The following NXPH1 variants were observed in gnomAD, a reference collection of about 807,000 sequenced individuals.
The protein encoded by NXPH1 is neurexophilin-1.
Under a neutral mutation model 23.7 loss-of-function variants are expected in NXPH1, and 5 were observed. That is an observed-to-expected ratio of 0.21 (90% CI 0.11 to 0.44). The LOEUF (loss-of-function observed/expected upper bound fraction) is 0.44. NXPH1 is among the 20% of genes least tolerant of loss of function. NXPH1 has a pLI of 0.99. For synonymous variants in NXPH1, 144 were observed against 122.2 expected (o/e 1.18, Z -1.18); for missense variants, 324 against 321.6 (o/e 1.01, Z -0.06).
chr7:8,644,680 A>T (rs115387446), intron 2 of NXPH1, among the ~76,000 whole-genome samples: 1,895 of 152,182 alleles, frequency 0.012, 41 homozygotes, highest in African/African-American at 0.043. Flanking sequence ...TTTTTTGTGA[A>T]TATAAAATAT....
At chr7:8,564,769 G>C (rs888783413) in intron 2 of NXPH1, among the ~76,000 whole-genome samples, 3 of 151,792 alleles carry the variant, frequency 2.0e-5, no homozygotes, top group Non-Finnish European at 4.4e-5. Flanking sequence ...GATAGAGCTA[G>C]TCAATTACTG....
intron 2 of NXPH1, among the ~76,000 whole-genome samples, chr7:8,618,453 A>G (rs1464977663): frequency 1.3e-5 from 2 of 152,152 alleles, no homozygotes; most frequent in Admixed American, 1.3e-4. Flanking sequence ...GCGTAAAGGT[A>G]ATTAAATATT....
At chr7:8,616,195 A>G (rs1424674539) in intron 2 of NXPH1, among the ~76,000 whole-genome samples, 1 of 151,988 alleles carries the variant, frequency 6.6e-6, no homozygotes, top group Non-Finnish European at 1.5e-5. Context: ...AGTCACGTTC[A>G]ACCACACTGG....
chr7:8,739,670 T>A (rs1186563861), intron 2 of NXPH1, among the ~76,000 whole-genome samples: 1 of 152,192 alleles, frequency 6.6e-6, no homozygotes, highest in Non-Finnish European at 1.5e-5. Flanking sequence ...TTTTTCTTTA[T>A]AAACTTTTAA....
Position 8,634,363 on chromosome 7 carries a change from T to C in NXPH1, c.55-116645T>C, listed in dbSNP as rs372556039. 1.5e-3 allele frequency among the ~76,000 whole-genome samples: 224 copies of C among 152,220 alleles called. 1 individual carries two copies. The highest frequency in any genetic ancestry group is 5.3e-3 in the African/African-American group (222 of 41,534). ...TTCACCTTCCACCATGATTGTGAGG[T>C]CTCCCCAGCCATGTGGAACTGGGAG... On this transcript the variant is annotated intron_variant, in intron 2 of 2. Transcript: ENST00000405863.
chr7:8,667,137 T>G (rs751419272), intron 2 of NXPH1, among the ~76,000 whole-genome samples: 1 of 152,070 alleles, frequency 6.6e-6, no homozygotes, highest in Non-Finnish European at 1.5e-5. Flanking sequence ...ATTTTTTAAT[T>G]ACATATTCCT....
At chr7:8,475,733 A>T (rs949831094) in intron 2 of NXPH1, among the ~76,000 whole-genome samples, 1 of 151,986 alleles carries the variant, frequency 6.6e-6, no homozygotes, top group Non-Finnish European at 1.5e-5. Context: ...TTACCTCTTC[A>T]CCTCTTCTAT....
chr7:8,541,042 C>T (rs1818108372), intron 2 of NXPH1, among the ~76,000 whole-genome samples: 1 of 151,690 alleles, frequency 6.6e-6, no homozygotes, highest in South Asian at 2.1e-4. Context: ...TAATTGAAAA[C>T]TATCAGGCAT....
intron 2 of NXPH1, among the ~76,000 whole-genome samples, chr7:8,635,406 T>A (rs184368096): frequency 1.3e-5 from 2 of 152,330 alleles, no homozygotes; most frequent in South Asian, 2.1e-4. Context: ...CCTTTCTCTT[T>A]TTAGTGGTAT....
chr7:8,585,040 G>A (rs1310802511), intron 2 of NXPH1, among the ~76,000 whole-genome samples: 1 of 152,110 alleles, frequency 6.6e-6, no homozygotes, highest in East Asian at 1.9e-4. Context: ...TTCTATATTG[G>A]AGATGTCAGT....
intron 2 of NXPH1, among the ~76,000 whole-genome samples, chr7:8,439,495 A>G (rs982201519): frequency 6.6e-6 from 1 of 152,264 alleles, no homozygotes; most frequent in African/African-American, 2.4e-5. Flanking sequence ...GGCATTGTAT[A>G]AAGTTACTGT....
intron 2 of NXPH1, among the ~76,000 whole-genome samples, chr7:8,670,608 C>A (rs1296160069): frequency 6.6e-6 from 1 of 152,196 alleles, no homozygotes; most frequent in African/African-American, 2.4e-5. Flanking sequence ...ACTGTTTTAA[C>A]AGAAGTTATA....
chr7:8,569,312 A>T (rs1389965648), intron 2 of NXPH1, among the ~76,000 whole-genome samples: 1 of 151,922 alleles, frequency 6.6e-6, no homozygotes, highest in Non-Finnish European at 1.5e-5. Flanking sequence ...TATACATAAC[A>T]ACCCATTGAA....
chr7:8,481,320 G>A lies in NXPH1; in HGVS notation c.54+45553G>A, dbSNP rs192286001. On this transcript the variant is annotated intron_variant, in intron 2 of 2. Transcript: ENST00000405863. ...TAGTGCATATTTCAGAGATACCTAC[G>A]CAGAGATGTCATTTATCTGGTTGCA... 7.2e-4 allele frequency among the ~76,000 whole-genome samples: 110 copies of A among 152,254 alleles called. 1 individual carries two copies. Among genetic ancestry groups the A allele is most frequent in the African/African-American group, 2.2e-3 (91 of 41,552 alleles).
chr7:8,713,850 C>G (rs918829829), intron 2 of NXPH1, among the ~76,000 whole-genome samples: 2 of 152,176 alleles, frequency 1.3e-5, no homozygotes, highest in Non-Finnish European at 2.9e-5. Context: ...CTGCCTGGAG[C>G]TTGGGAAGGG....
chr7:8,567,918 T>C (rs1321549594), intron 2 of NXPH1, among the ~76,000 whole-genome samples: 1 of 151,898 alleles, frequency 6.6e-6, no homozygotes, highest in Non-Finnish European at 1.5e-5. Context: ...GGAGTGGCCT[T>C]ACATCGTCTA....
chr7:8,720,373 A>G lies in NXPH1; in HGVS notation c.55-30635A>G, dbSNP rs531903623. ...AGTGGGTCTTGCATTTCTCTACTCT[A>G]TCATTAGGTTACTGGTATCTACATC... is the stretch of plus-strand genomic sequence containing the variant. On this transcript the variant is annotated intron_variant, in intron 2 of 2. Transcript: ENST00000405863. Among the ~76,000 whole-genome samples, 125 of 152,110 alleles carry G rather than the reference A, an allele frequency of 8.2e-4. 3 individuals are homozygous for G. The South Asian group carries it at 0.025, about 30-fold the overall frequency.
rs117521994 is a variant in NXPH1 at position 8,560,265 on chromosome 7, A to G, written c.54+124498A>G. Among the ~76,000 whole-genome samples the G allele has an allele frequency of 7.9e-5, 12 of 151,864 alleles. No individual in the cohort carries two copies. The East Asian group carries it at 2.1e-3, about 27-fold the overall frequency. ...TTCTCAAACCCAACCTTCTCATACT[A>G]TAATGCAGATGTGCTTTGCTTTACT... is the stretch of plus-strand genomic sequence containing the variant. On this transcript the variant is annotated intron_variant, in intron 2 of 2. Transcript: ENST00000405863.
chr7:8,621,259 G>A (rs1819862840), intron 2 of NXPH1, among the ~76,000 whole-genome samples: 1 of 152,240 alleles, frequency 6.6e-6, no homozygotes, highest in Admixed American at 6.5e-5. Flanking sequence ...ATTTGGGCAG[G>A]TGACCAGGAA....
Sources: gnomAD v4.1 joint callset for allele counts (sites outside exome capture counted in the v4.1 genomes callset) on GRCh38, gnomAD v4.1.1 for gene constraint, MANE v1.5 for transcripts, NCBI Gene and HGNC (gene_info 2026-07-23, HGNC 2026-07-21) for gene names.